MAN2C1: variants seen among roughly 807,000 people sequenced by gnomAD.
MAN2C1 encodes the protein mannosidase alpha class 2C member 1, also known as alpha-mannosidase 2C1.
Under a neutral mutation model 126.9 loss-of-function variants are expected in MAN2C1, and 111 were observed. That is an observed-to-expected ratio of 0.87 (90% confidence interval 0.75 to 1.02). The LOEUF is 1.02. Ranked by LOEUF, MAN2C1 falls within the 50% of genes least tolerant of loss-of-function variation. MAN2C1 has a pLI of 0.00. For synonymous variants in MAN2C1, 567 were observed against 561.5 expected, an observed-to-expected ratio of 1.01 and a Z score of -0.14; for missense variants, 1,363 against 1,364.4, an observed-to-expected ratio of 1.00 and a Z score of 0.02.
In MAN2C1 at chr15:75,356,224, A is replaced by G; in HGVS notation, c.2887-5T>C. Reference sequence around the variant, plus strand: ...GCGCTGGGGGCTGCTCTCCGCCTGCAGAGGAACACGTCTGGTGGGAGGGGC... The same window carrying G: ...GCGCTGGGGGCTGCTCTCCGCCTGCGGAGGAACACGTCTGGTGGGAGGGGC... On this transcript the variant is annotated splice_region_variant and splice_polypyrimidine_tract_variant and intron_variant, in intron 24 of 25. Coordinates refer to ENST00000267978, the MANE Select transcript of MAN2C1 (RefSeq NM_006715.4). The surrounding 1 kb of genome is among the most constrained non-coding windows in gnomAD (Gnocchi z 5.8). The G allele has an allele frequency of 6.2e-7, 1 of 1,613,030 alleles. No individual in the cohort carries two copies. The highest frequency in any genetic ancestry group is 8.5e-7 in the Non-Finnish European group (1 of 1,179,768).
At chr15:75,365,993 A>G (rs1199757503) in intron 4 of MAN2C1, 6 of 418,384 alleles carry the variant, frequency 1.4e-5, no homozygotes, top group Non-Finnish European at 2.9e-5. Flanking sequence ...AAGCTGAGGC[A>G]TGAGAATCGC....
Position 75,362,492 on chromosome 15 carries a change from A to T in MAN2C1, c.898-39T>A, listed in dbSNP as rs1243039514. 2 of 1,565,704 alleles carry T rather than the reference A, an allele frequency of 1.3e-6. No homozygotes were observed. The highest frequency in any genetic ancestry group is 1.7e-6 in the Non-Finnish European group (2 of 1,149,742). On this transcript the variant is annotated intron_variant, in intron 7 of 25. Transcript: ENST00000267978. This position sits in a 1 kb window ranked among gnomAD's most constrained non-coding sequence, Gnocchi z 4.5. The stretch of plus-strand genomic sequence containing the variant: ...GAAGGGAGCTGGGACCAGAGTGACA[A>T]GGGCCCCACCCAGGACTGAGCATAT...
chr15:75,358,766 T>G lies in MAN2C1; in HGVS notation c.2184A>C (p.Leu728=). The G allele has an allele frequency of 1.2e-6, 2 of 1,613,758 alleles. No individual in the cohort carries two copies. The highest frequency in any genetic ancestry group is 1.7e-6 in the Non-Finnish European group (2 of 1,179,904). Residue 728 remains leucine (L), a synonymous_variant, in exon 19 of 26, where the codon CTA becomes CTC. Coordinates refer to ENST00000267978, the MANE Select transcript of MAN2C1 (RefSeq NM_006715.4). Reference sequence around the variant, plus strand: ...CCCAGTACAAGGGGACATCATCAAATAGCACAAACTGGTTCCCCACGGCGC... The same window carrying G: ...CCCAGTACAAGGGGACATCATCAAAGAGCACAAACTGGTTCCCCACGGCGC... The part of the protein sequence containing the change: ...AEGAVGNQFV[L]FDDVPLYWDA...
rs978393548 is a variant in MAN2C1 at position 75,359,997 on chromosome 15, G to C, written c.1707-9C>G. On this transcript the variant is annotated splice_polypyrimidine_tract_variant and intron_variant, in intron 14 of 25. Transcript: ENST00000267978. Reference sequence around the variant, plus strand: ...GGTTCAGAAGAAGGAGCCTGCAGGGGCCAAGGGCAGGGATGGGAAGGCTGG... The same window carrying C: ...GGTTCAGAAGAAGGAGCCTGCAGGGCCCAAGGGCAGGGATGGGAAGGCTGG... 2 of 1,614,040 alleles carry C rather than the reference G, an allele frequency of 1.2e-6. No individual in the cohort carries two copies. Among genetic ancestry groups the C allele is most frequent in the South Asian group, 2.2e-5 (2 of 91,082 alleles).
intron 6 of MAN2C1, chr15:75,363,798 C>A: frequency 3.4e-6 from 2 of 588,412 alleles, no homozygotes; most frequent in Non-Finnish European, 5.9e-6. Context: ...AAGAGTGAGA[C>A]TCCGTCTCAA....
At position 75,355,905 on chromosome 15, in the gene MAN2C1, C is replaced by G; in HGVS notation, c.*1G>C. On this transcript the variant is annotated 3_prime_UTR_variant, in exon 26 of 26. Coordinates refer to ENST00000267978, the MANE Select transcript of MAN2C1 (RefSeq NM_006715.4). ...ACAAACAAAACCCCAGCCCCAGGGACTCAGTGTGGCGGAGGCTGAAGCACG... is the reference window on the plus strand; with the variant it reads ...ACAAACAAAACCCCAGCCCCAGGGAGTCAGTGTGGCGGAGGCTGAAGCACG... 6.2e-7 allele frequency: 1 copy of G among 1,614,182 alleles called. No homozygotes were observed. Among genetic ancestry groups the G allele is most frequent in the Non-Finnish European group, 8.5e-7 (1 of 1,180,038 alleles).
At chr15:75,366,670 AG>A in intron 3 of MAN2C1, 78 bp from the exon 4 acceptor site, 1 of 1,063,212 alleles carries the variant, frequency 9.4e-7, no homozygotes, top group South Asian at 1.6e-5. Context: ...ATGGGGAGTC[AG>A]GCCCCTCCAT....
Position 75,362,001 on chromosome 15 carries a change from G to T in MAN2C1, c.1009-54C>A. 1 of 1,399,490 alleles carries T rather than the reference G, an allele frequency of 7.1e-7. No homozygotes were observed. Among genetic ancestry groups the T allele is most frequent in the South Asian group, 1.2e-5 (1 of 86,774 alleles). The allele number at this position is 1,399,490 out of a possible 1,614,324, so 86.7% of individuals were successfully genotyped here. On this transcript the variant is annotated intron_variant, in intron 8 of 25. Coordinates refer to ENST00000267978, the MANE Select transcript of MAN2C1 (RefSeq NM_006715.4). The surrounding 1 kb of genome is among the most constrained non-coding windows in gnomAD (Gnocchi z 4.5). ...CAGGTCAGCGCTGGACGGGGAGCAG[G>T]CAGGCGCTCAGGCCAACCCAATCCC...
chr15:75,364,628 G>C lies in MAN2C1; in HGVS notation c.460C>G (p.Leu154Val). ...LYVEVACNGLLGAGKGSMIAA... is the reference protein window; with the variant it reads ...LYVEVACNGLVGAGKGSMIAA... ...ATCATGCTTCCCTTCCCGGCCCCCA[G>C]GAGCCCATTGCAGGCTACTTCCACA... Residue 154 changes from leucine to valine, a missense_variant, in exon 5 of 26, where the codon CTG becomes GTG. Transcript: ENST00000267978. 1 of 1,613,518 alleles carries C rather than the reference G, an allele frequency of 6.2e-7. No homozygotes were observed. Among genetic ancestry groups the C allele is most frequent in the Non-Finnish European group, 8.5e-7 (1 of 1,179,732 alleles).
rs374584235 is a variant in MAN2C1, at chr15:75,368,422, G to C, written c.101+61C>G. On this transcript the variant is annotated intron_variant, in intron 1 of 25. Coordinates refer to ENST00000267978, the MANE Select transcript of MAN2C1 (RefSeq NM_006715.4). Reference sequence around the variant, plus strand: ...GTGGCTGCAGCTTAGGTTTCTCCCCGGAAGGAAAGCTTGAGGCGCACGGTT... The same window carrying C: ...GTGGCTGCAGCTTAGGTTTCTCCCCCGAAGGAAAGCTTGAGGCGCACGGTT... 122 of 1,507,122 alleles carry C rather than the reference G, an allele frequency of 8.1e-5. 1 individual carries two copies. In the African/African-American group the frequency reaches 1.4e-3, roughly 17 times the overall value. The allele number at this position is 1,507,122 out of a possible 1,614,324, so 93.4% of individuals were successfully genotyped here. A position where few individuals can be genotyped will look rare whatever the true frequency, so the allele number is the denominator to read the frequency against.
Position 75,356,741 on chromosome 15 carries a change from G to A in MAN2C1, c.2657+52C>T. 3 of 1,612,434 alleles carry A rather than the reference G, an allele frequency of 1.9e-6. No homozygotes were observed. Among genetic ancestry groups the A allele is most frequent in the Non-Finnish European group, 1.7e-6 (2 of 1,178,914 alleles). ...CTGAAGCTGTTGGAGTTGTGGTCGG[G>A]AAGACCCATTTCTCCATGCCAGCTC... On this transcript the variant is annotated intron_variant, in intron 22 of 25. Coordinates refer to ENST00000267978, the MANE Select transcript of MAN2C1 (RefSeq NM_006715.4). This position sits in a 1 kb window ranked among gnomAD's most constrained non-coding sequence, Gnocchi z 5.8.
chr15:75,362,211 A>C lies in MAN2C1; in HGVS notation c.1008+132T>G. ...CCAGGCCTTGAGATCCCAGGGACTA[A>C]TGAGCCAGCCCTGCCACACAGCGGG... On this transcript the variant is annotated intron_variant, in intron 8 of 25. Coordinates refer to ENST00000267978, the MANE Select transcript of MAN2C1 (RefSeq NM_006715.4). This position sits in a 1 kb window ranked among gnomAD's most constrained non-coding sequence, Gnocchi z 4.5. 1 of 800,644 alleles carries C rather than the reference A, an allele frequency of 1.2e-6. No individual in the cohort carries two copies. The highest frequency in any genetic ancestry group is 2.0e-6 in the Non-Finnish European group (1 of 491,098). The allele number at this position is 800,644 out of a possible 1,614,324, so 49.6% of individuals were successfully genotyped here.
chr15:75,366,450 G>A (rs774653261), intron 4 of MAN2C1, 72 bp downstream of exon 4: 138 of 1,292,546 alleles, frequency 1.1e-4, no homozygotes, highest in Non-Finnish European at 1.5e-4. Flanking sequence ...GATCACTCTG[G>A]GCCTCAGCTC....
rs142680980 is a variant in MAN2C1, at chr15:75,358,575, C to T, written c.2290G>A (p.Glu764Lys). 3.6e-5 allele frequency: 58 copies of T among 1,613,272 alleles called. No homozygotes were observed. The highest frequency in any genetic ancestry group is 3.3e-4 in the Middle Eastern group (2 of 6,084). ...GQAGTLAVGT[E>K]GGLRGSAWFL... is the part of the protein sequence containing the mutation. ...CAGGCGCTGCCCCGCAGGCCGCCCT[C>T]GGTGCCCACTGCCAGGGTCCCTGCC... is the stretch of plus-strand genomic sequence containing the variant. The change falls in exon 20 of 26, where the codon GAG (glutamate) becomes AAG (lysine). Residue 764 changes from glutamate (E) to lysine (K), a missense_variant. Physicochemically the swap from Glu to Lys is moderately conservative, Grantham distance 56. Transcript: ENST00000267978.
chr15:75,356,250 C>G lies in MAN2C1; in HGVS notation c.2887-31G>C. 1 of 1,612,174 alleles carries G rather than the reference C, an allele frequency of 6.2e-7. No homozygotes were observed. On this transcript the variant is annotated intron_variant, in intron 24 of 25. Coordinates refer to ENST00000267978, the MANE Select transcript of MAN2C1 (RefSeq NM_006715.4). This position sits in a 1 kb window ranked among gnomAD's most constrained non-coding sequence, Gnocchi z 5.8. ...GAGGAACACGTCTGGTGGGAGGGGC[C>G]GAGGGCAGGCCCAGTTCGGAACCCC...
At chr15:75,363,972 A>G in intron 6 of MAN2C1, 27 bp downstream of exon 6, 1 of 1,592,978 alleles carries the variant, frequency 6.3e-7, no homozygotes. Flanking sequence ...CTGCTTCCCC[A>G]GCCAGCCCAA....
At chr15:75,367,789 GAAGC>G (rs2072607733) in intron 2 of MAN2C1, 155 bp from the exon 3 acceptor site, 2 of 1,007,630 alleles carry the variant, frequency 2.0e-6, no homozygotes, top group Admixed American at 2.8e-5. Flanking sequence ...AACAAGGTGA[GAAGC>G]AAGATGAGGG....
intron 15 of MAN2C1, 31 bp downstream of exon 15, chr15:75,359,872 A>C (rs200444483): frequency 5.9e-5 from 95 of 1,611,470 alleles, no homozygotes; most frequent in Non-Finnish European, 8.0e-5. Context: ...CTGGGGTTGG[A>C]GAGAGCAGGC....
intron 21 of MAN2C1, 161 bp downstream of exon 21, chr15:75,358,040 C>CCA: frequency 3.4e-6 from 3 of 877,342 alleles, no homozygotes; most frequent in Non-Finnish European, 5.2e-6. Context: ...CAGGCGTGAG[C>CCA]CACTGTGCCT....
Sources: allele counts gnomAD v4.1 joint callset, GRCh38; gene constraint gnomAD v4.1.1; non-coding constraint Gnocchi (gnomAD v3.1); transcripts MANE v1.5; gene names NCBI Gene and HGNC (gene_info 2026-07-23, HGNC 2026-07-21).